DOCK2: variants seen among roughly 807,000 people sequenced by gnomAD.
DOCK2 encodes the protein dedicator of cytokinesis protein 2.
A neutral mutation model predicts 248.9 loss-of-function variants in DOCK2; 87 were observed. That is an observed-to-expected ratio of 0.35 (90% CI 0.29 to 0.42). The LOEUF (loss-of-function observed/expected upper bound fraction) is 0.42, where lower values mean the gene tolerates loss of function less well. Ranked by LOEUF, DOCK2 falls within the 10% of genes least tolerant of loss-of-function variation. DOCK2 has a pLI of 1.00. For missense variants in DOCK2, 1,747 were observed against 2,300.2 expected (o/e 0.76, Z 4.92); for synonymous variants, 805 against 821.6 (o/e 0.98, Z 0.35).
At chr5:169,879,544 C>T (rs1210457683) in intron 27 of DOCK2, among the ~76,000 whole-genome samples, 1 of 152,164 alleles carries the variant, frequency 6.6e-6, no homozygotes, top group East Asian at 1.9e-4. Flanking sequence ...CATACAATTG[C>T]TGTTCTTCTG....
intron 22 of DOCK2, among the ~76,000 whole-genome samples, chr5:169,745,072 G>C (rs1371856793): frequency 6.6e-6 from 1 of 152,224 alleles, no homozygotes; most frequent in East Asian, 1.9e-4. Context: ...TCAGGCAGCT[G>C]TGCCTCATGG....
chr5:169,964,199 A>G (rs1171635201), intron 27 of DOCK2, among the ~76,000 whole-genome samples: 1 of 152,154 alleles, frequency 6.6e-6, no homozygotes, highest in Non-Finnish European at 1.5e-5. Flanking sequence ...ACCCAGGAGA[A>G]TTACATTCTG....
rs537385233 is a variant in DOCK2, at chr5:169,821,751, T to C, written c.2703+18545T>C. 1.5e-4 allele frequency among the ~76,000 whole-genome samples: 23 copies of C among 152,278 alleles called. No individual in the cohort carries two copies. In the East Asian group the frequency reaches 4.2e-3, roughly 28 times the overall value. Reference sequence around the variant, plus strand: ...CCAGCTAACATCATAATGACAGGATTAAATTCACACATAACAATATTAACC... The same window carrying C: ...CCAGCTAACATCATAATGACAGGATCAAATTCACACATAACAATATTAACC... On this transcript the variant is annotated intron_variant, in intron 26 of 51. Coordinates refer to ENST00000520908, the MANE Select transcript of DOCK2 (RefSeq NM_004946.3).
At chr5:170,062,553 G>A (rs1351307551) in intron 44 of DOCK2, among the ~76,000 whole-genome samples, 5 of 152,110 alleles carry the variant, frequency 3.3e-5, no homozygotes, top group Non-Finnish European at 5.9e-5. Context: ...GTGGAGAGGA[G>A]GGCTTGGACC....
chr5:169,712,083 A>G (rs989259005), intron 16 of DOCK2, 37 bp from the exon 17 acceptor site: 4 of 1,613,738 alleles, frequency 2.5e-6, no homozygotes, highest in Non-Finnish European at 3.4e-6. Context: ...TGGCCCATGT[A>G]TCATTTTCTT....
Position 170,041,208 on chromosome 5 carries a change from G to A in DOCK2, c.3756+63G>A, listed in dbSNP as rs1248371424. 8 of 1,429,574 alleles carry A rather than the reference G, an allele frequency of 5.6e-6. No homozygotes were observed. In the South Asian group the frequency reaches 8.1e-5, roughly 14 times the overall value. 88.6% of individuals were successfully genotyped at this position (1,429,574 alleles called of 1,614,324 possible). A position where few individuals can be genotyped will look rare whatever the true frequency, so the allele number is the denominator to read the frequency against. ...TCCTGACAGGGCCTCACAGCAAGTT[G>A]AAGAGTGAAAAAAGAAAAAAAAGAA... On this transcript the variant is annotated intron_variant, in intron 37 of 51. Transcript: ENST00000520908.
intron 27 of DOCK2, among the ~76,000 whole-genome samples, chr5:169,848,015 C>A (rs894861911): frequency 2.0e-5 from 3 of 152,144 alleles, no homozygotes; most frequent in African/African-American, 7.2e-5. Context: ...TCTTGGAGAG[C>A]CTGCCTTTCC....
chr5:169,815,969 A>G (rs1026634437), intron 26 of DOCK2, among the ~76,000 whole-genome samples: 1 of 152,110 alleles, frequency 6.6e-6, no homozygotes, highest in African/African-American at 2.4e-5. Flanking sequence ...AGCCATTTAC[A>G]CTCTAAACCT....
intron 33 of DOCK2, among the ~76,000 whole-genome samples, chr5:170,025,113 G>A (rs537717177): frequency 2.7e-4 from 41 of 152,338 alleles, no homozygotes; most frequent in Middle Eastern, 3.4e-3. Flanking sequence ...ATGACAAGTC[G>A]AGGGACACAG....
chr5:169,716,195 C>G lies in DOCK2; in HGVS notation c.1942-18C>G, dbSNP rs748268320. The G allele has an allele frequency of 6.2e-7, 1 of 1,611,682 alleles. No individual in the cohort carries two copies. Among genetic ancestry groups the G allele is most frequent in the African/African-American group, 1.3e-5 (1 of 74,848 alleles). ...TGTCTTGTTTCTGAAGTAGTGCAAC[C>G]TTTGTTATTTCTTCCAGTTTCTCCA... On this transcript the variant is annotated intron_variant, in intron 19 of 51. Transcript: ENST00000520908.
intron 13 of DOCK2, among the ~76,000 whole-genome samples, chr5:169,701,749 C>A (rs13165153): frequency 0.61 from 92,254 of 151,928 alleles, 29,135 homozygotes; most frequent in East Asian, 0.81. Context: ...AACTCCTGAG[C>A]TCAGGCGATC....
chr5:169,688,048 C>T (rs1485760121), intron 8 of DOCK2, among the ~76,000 whole-genome samples: 1 of 152,210 alleles, frequency 6.6e-6, no homozygotes, highest in East Asian at 1.9e-4. Flanking sequence ...CCTCAGCCAC[C>T]CTAGTAGCTG....
At chr5:170,012,187 T>C (rs1470746176) in intron 32 of DOCK2, among the ~76,000 whole-genome samples, 2 of 152,210 alleles carry the variant, frequency 1.3e-5, no homozygotes, top group African/African-American at 2.4e-5. Flanking sequence ...TCAAAGTGTA[T>C]GCATATTGTT....
chr5:169,846,747 C>T (rs1486680158), intron 27 of DOCK2, among the ~76,000 whole-genome samples: 2 of 151,946 alleles, frequency 1.3e-5, no homozygotes, highest in Non-Finnish European at 2.9e-5. Context: ...TTTTTTGTTA[C>T]ATGGATGAAT....
chr5:169,930,431 TCCTCTGGGATGACATTTCTTGGA>T (rs1775696043), intron 27 of DOCK2, among the ~76,000 whole-genome samples: 3 of 152,214 alleles, frequency 2.0e-5, no homozygotes, highest in Admixed American at 6.5e-5. Flanking sequence ...GTAATGTGTG[TCCTCTGGGATGACATTTCTTGGA>T]CAATTTCCCT....
At chr5:169,745,905 G>A (rs547115905) in intron 22 of DOCK2, among the ~76,000 whole-genome samples, 1 of 152,286 alleles carries the variant, frequency 6.6e-6, no homozygotes, top group Non-Finnish European at 1.5e-5. Context: ...CCGGGGTGGG[G>A]GTGAGTTAGC....
chr5:170,056,854 A>C, intron 43 of DOCK2, 86 bp downstream of exon 43: 1 of 1,236,462 alleles, frequency 8.1e-7, no homozygotes, highest in Non-Finnish European at 1.1e-6. Flanking sequence ...AATGGGAAGG[A>C]ACTTGATAGA....
chr5:169,904,637 G>A (rs1207829376), intron 27 of DOCK2, among the ~76,000 whole-genome samples: 2 of 152,170 alleles, frequency 1.3e-5, no homozygotes, highest in Non-Finnish European at 2.9e-5. Context: ...TCTCCCCCTA[G>A]TGAGGGCCCC....
intron 26 of DOCK2, among the ~76,000 whole-genome samples, chr5:169,830,702 A>G (rs1466366385): frequency 1.3e-5 from 2 of 152,240 alleles, no homozygotes; most frequent in Non-Finnish European, 2.9e-5. Context: ...AGCAACTTAC[A>G]GATCTAAATA....
Sources: allele counts gnomAD v4.1 joint callset (sites outside exome capture counted in the v4.1 genomes callset), GRCh38; gene constraint gnomAD v4.1.1; transcripts MANE v1.5; gene names NCBI Gene and HGNC (gene_info 2026-07-23, HGNC 2026-07-21).